The following UXS1 variants were observed in gnomAD, a reference collection of about 807,000 sequenced individuals.
UXS1 encodes UDP-glucuronic acid decarboxylase 1.
Under a neutral mutation model 62.6 loss-of-function variants are expected in UXS1, and 33 were observed. The ratio of observed to expected loss-of-function variants is 0.53; its 90% confidence interval spans 0.40 to 0.70. UXS1 has a LOEUF of 0.70. UXS1 is among the 30% of genes least tolerant of loss of function. The pLI is 0.00. For missense variants in UXS1, 434 were observed against 556.3 expected (o/e 0.78, Z 2.21); for synonymous variants, 213 against 206.8 (o/e 1.03, Z -0.26).
intron 1 of UXS1, 93 bp downstream of exon 1, chr2:106,194,055 G>A (rs1222745228): frequency 2.0e-6 from 2 of 1,009,392 alleles, no homozygotes; most frequent in East Asian, 7.2e-5. Context: ...GGGGCTGCAG[G>A]GCCGCCTCGG....
At chr2:106,177,425 A>G (rs2105094967) in intron 1 of UXS1, among the ~76,000 whole-genome samples, 1 of 151,998 alleles carries the variant, frequency 6.6e-6, no homozygotes, top group South Asian at 2.1e-4. Context: ...TGAATTCCAG[A>G]CCTCAGGTGA....
intron 5 of UXS1, among the ~76,000 whole-genome samples, chr2:106,147,351 G>C (rs1249212367): frequency 6.6e-6 from 1 of 152,200 alleles, no homozygotes; most frequent in Non-Finnish European, 1.5e-5. Context: ...GGTCGTGCCA[G>C]ACAGGAGCTA....
At position 106,112,759 on chromosome 2, in the gene UXS1, C is replaced by T. The variant is rs546343589; in HGVS notation, c.766G>A (p.Val256Met). Residue 256 changes from valine to methionine, a missense_variant, in exon 10 of 15, where the codon GTG becomes ATG. By Grantham distance (21) the Val-to-Met change is conservative. Transcript: ENST00000283148. ...MCYAYMKQEG[V>M]EVRVARIFNT... ...AAGATTCTGGCCACTCGCACTTCCA[C>T]GCCTTCCTGGAACAGAGAGAAGAGG... 4.3e-6 allele frequency: 7 copies of T among 1,613,586 alleles called. No individual in the cohort carries two copies. The highest frequency in any genetic ancestry group is 1.3e-5 in the African/African-American group (1 of 75,058).
At chr2:106,167,603 T>C (rs1370005879) in intron 1 of UXS1, among the ~76,000 whole-genome samples, 1 of 151,964 alleles carries the variant, frequency 6.6e-6, no homozygotes, top group African/African-American at 2.4e-5. Flanking sequence ...AGGAGAAAAC[T>C]TGGTTTAAAA....
In UXS1 at chr2:106,188,025, A is replaced by T. The variant is rs150219109; in HGVS notation, c.94+6123T>A. Reference sequence around the variant, plus strand: ...CCAAAATGCTGGGATTACAGGCATGAGCCACCGCGACCAGCCTTAACTCTA... The same window carrying T: ...CCAAAATGCTGGGATTACAGGCATGTGCCACCGCGACCAGCCTTAACTCTA... On this transcript the variant is annotated intron_variant, in intron 1 of 14. Coordinates refer to ENST00000283148, the MANE Select transcript of UXS1 (RefSeq NM_001253875.2). 4.8e-3 allele frequency among the ~76,000 whole-genome samples: 737 copies of T among 152,368 alleles called. 11 individuals carry two copies. Among genetic ancestry groups the T allele is most frequent in the African/African-American group, 0.016 (680 of 41,572 alleles).
chr2:106,194,270 T>A lies in UXS1; in HGVS notation c.-29A>T. On this transcript the variant is annotated 5_prime_UTR_variant, in exon 1 of 15. Coordinates refer to ENST00000283148, the MANE Select transcript of UXS1 (RefSeq NM_001253875.2). The stretch of plus-strand genomic sequence containing the variant: ...CGGGAGCCGCGCGGGTCCAGGGCCC[T>A]ACCGCGCGGGGGCCCGCCTGCTGCA... The A allele has an allele frequency of 8.4e-7, 1 of 1,194,698 alleles. No individual in the cohort carries two copies. The highest frequency in any genetic ancestry group is 1.1e-6 in the Non-Finnish European group (1 of 931,962). 74.0% of individuals were successfully genotyped at this position (1,194,698 alleles called of 1,614,324 possible).
At chr2:106,110,467 G>C (rs939745742) in intron 10 of UXS1, among the ~76,000 whole-genome samples, 9 of 152,172 alleles carry the variant, frequency 5.9e-5, no homozygotes, top group African/African-American at 1.7e-4. Flanking sequence ...TCATCTCACA[G>C]CATGAAGGAG....
chr2:106,156,825 GC>G (rs1378035544), intron 5 of UXS1, among the ~76,000 whole-genome samples: 1 of 152,184 alleles, frequency 6.6e-6, no homozygotes, highest in Non-Finnish European at 1.5e-5. Flanking sequence ...TTCGTGGTTA[GC>G]TGAATCCACG....
At chr2:106,148,072 C>T (rs757291563) in intron 5 of UXS1, among the ~76,000 whole-genome samples, 1 of 152,328 alleles carries the variant, frequency 6.6e-6, no homozygotes, top group South Asian at 2.1e-4. Flanking sequence ...AGAGAAGTTA[C>T]GTCTTTGACT....
chr2:106,193,625 G>A (rs1251088885), intron 1 of UXS1, among the ~76,000 whole-genome samples: 1 of 152,192 alleles, frequency 6.6e-6, no homozygotes, highest in African/African-American at 2.4e-5. Flanking sequence ...CGCGGGCCGG[G>A]GAGCCGCCCA....
chr2:106,187,199 G>T (rs111337874), intron 1 of UXS1, among the ~76,000 whole-genome samples: 1 of 152,114 alleles, frequency 6.6e-6, no homozygotes, highest in East Asian at 1.9e-4. Context: ...AGGAAATTTT[G>T]AAAATGTTGA....
At chr2:106,095,825 G>A (rs983306332) in intron 14 of UXS1, among the ~76,000 whole-genome samples, 15 of 152,230 alleles carry the variant, frequency 9.9e-5, no homozygotes, top group South Asian at 6.2e-4. Context: ...GAAGGACACA[G>A]GCAGCCCTGA....
chr2:106,185,154 A>G (rs1444868410), intron 1 of UXS1, among the ~76,000 whole-genome samples: 6 of 151,826 alleles, frequency 4.0e-5, no homozygotes, highest in African/African-American at 7.3e-5. Context: ...CTTCAACTCC[A>G]CTGCCCAAAT....
At chr2:106,156,669 T>C (rs534362060) in intron 5 of UXS1, among the ~76,000 whole-genome samples, 22 of 152,332 alleles carry the variant, frequency 1.4e-4, no homozygotes, top group Non-Finnish European at 2.9e-4. Flanking sequence ...ATACTTTAAA[T>C]CATCTCTAGA....
chr2:106,152,621 A>G (rs1682128458), intron 5 of UXS1, among the ~76,000 whole-genome samples: 1 of 152,026 alleles, frequency 6.6e-6, no homozygotes, highest in African/African-American at 2.4e-5. Flanking sequence ...GAAAAGAGGA[A>G]AGAAAGAAAA....
chr2:106,144,896 A>G (rs1681437927), intron 6 of UXS1, among the ~76,000 whole-genome samples: 1 of 152,150 alleles, frequency 6.6e-6, no homozygotes, highest in African/African-American at 2.4e-5. Context: ...ATTTGGGGTG[A>G]CACCAACATT....
At chr2:106,186,942 T>C (rs1684596210) in intron 1 of UXS1, among the ~76,000 whole-genome samples, 1 of 152,088 alleles carries the variant, frequency 6.6e-6, no homozygotes, top group Non-Finnish European at 1.5e-5. Context: ...GGAGTGATAA[T>C]GGTAATGAGA....
chr2:106,193,809 G>C (rs1204191577), intron 1 of UXS1, among the ~76,000 whole-genome samples: 2 of 151,994 alleles, frequency 1.3e-5, no homozygotes, highest in African/African-American at 4.8e-5. Context: ...CCCCGACCGG[G>C]ACCCTCGCCG....
At chr2:106,148,449 G>A (rs1470678420) in intron 5 of UXS1, among the ~76,000 whole-genome samples, 3 of 152,088 alleles carry the variant, frequency 2.0e-5, no homozygotes, top group Non-Finnish European at 4.4e-5. Flanking sequence ...ATGTTCAGTG[G>A]CACTCTAACA....
Sources: allele counts gnomAD v4.1 joint callset (sites outside exome capture counted in the v4.1 genomes callset), GRCh38; gene constraint gnomAD v4.1.1; transcripts MANE v1.5; gene names NCBI Gene and HGNC (gene_info 2026-07-23, HGNC 2026-07-21).